CPD: variants seen among roughly 807,000 people sequenced by gnomAD.
CPD encodes metallocarboxypeptidase D.
A neutral mutation model predicts 138.3 loss-of-function variants in CPD; 69 were observed. The ratio of observed to expected loss-of-function variants is 0.50; its 90% CI spans 0.41 to 0.61. The LOEUF is 0.61. CPD is among the 20% of genes least tolerant of loss of function. CPD has a pLI of 0.00. For synonymous variants in CPD, 651 were observed against 642.1 expected, an observed-to-expected ratio of 1.01 and a Z score of -0.21; for missense variants, 1,432 against 1,733.3, an observed-to-expected ratio of 0.83 and a Z score of 3.09.
rs370956705 is a variant in CPD, at chr17:30,429,675, A to G, written c.2018-2097A>G. ...TTCATAGGAAAGACGTGAAACCCTC[A>G]AAAAAGCAGTGTTAAGGACTTAGTG... On this transcript the variant is annotated intron_variant, in intron 7 of 20. Transcript: ENST00000225719. Among the ~76,000 whole-genome samples, 7 of 152,342 alleles carry G rather than the reference A, an allele frequency of 4.6e-5. No homozygotes were observed. The South Asian group carries it at 6.2e-4, about 14-fold the overall frequency.
chr17:30,433,883 TCTC>T (rs1276256981), intron 8 of CPD, among the ~76,000 whole-genome samples: 3 of 152,222 alleles, frequency 2.0e-5, no homozygotes, highest in Non-Finnish European at 4.4e-5. Context: ...TTAACAATAT[TCTC>T]CTCCATTTCT....
chr17:30,436,544 G>A (rs1055576547), intron 8 of CPD, among the ~76,000 whole-genome samples: 1 of 152,178 alleles, frequency 6.6e-6, no homozygotes, highest in African/African-American at 2.4e-5. Context: ...AGCCATTAGA[G>A]AAATGCAAGT....
intron 2 of CPD, among the ~76,000 whole-genome samples, chr17:30,411,969 G>A (rs1193932101): frequency 6.6e-6 from 1 of 152,180 alleles, no homozygotes; most frequent in Non-Finnish European, 1.5e-5. Flanking sequence ...CAGCTTTTCA[G>A]CCCTGGTTTC....
chr17:30,456,406 G>A, intron 16 of CPD, 55 bp downstream of exon 16: 2 of 1,609,878 alleles, frequency 1.2e-6, no homozygotes, highest in Non-Finnish European at 8.5e-7. Context: ...CTTTTGTGGG[G>A]AAAGGAGTTT....
At chr17:30,390,834 T>C (rs1911334669) in intron 2 of CPD, among the ~76,000 whole-genome samples, 1 of 143,796 alleles carries the variant, frequency 7.0e-6, no homozygotes, top group Non-Finnish European at 1.5e-5. Flanking sequence ...GTAAGATGCC[T>C]TTTTTTTTTT....
rs201697680 is a variant in CPD at position 30,456,477 on chromosome 17, G to A, written c.3449G>A (p.Gly1150Glu). The A allele has an allele frequency of 5.0e-6, 8 of 1,614,194 alleles. No homozygotes were observed. The African/African-American group carries it at 9.3e-5, about 19-fold the overall frequency. The change falls in exon 17 of 21, where the codon GGA becomes GAA. Residue 1150 changes from glycine to glutamate, a missense_variant. By Grantham distance (98) the Gly-to-Glu change is moderately conservative (BLOSUM62 -2). Transcript: ENST00000225719. ...GCTTTTATAGATGAGAATATTCCAGGAGGAGTAATGCGTGGAGCAGAATGG... is the reference window on the plus strand; with the variant it reads ...GCTTTTATAGATGAGAATATTCCAGAAGGAGTAATGCGTGGAGCAGAATGG... ...CPNKSDENIPGGVMRGAEWHS... is the reference protein window; with the variant it reads ...CPNKSDENIPEGVMRGAEWHS...
chr17:30,400,220 G>A (rs1440180246), intron 2 of CPD, among the ~76,000 whole-genome samples: 1 of 151,958 alleles, frequency 6.6e-6, no homozygotes, highest in Non-Finnish European at 1.5e-5. Context: ...CCTTCTATTG[G>A]ATTGTGTTTT....
intron 13 of CPD, among the ~76,000 whole-genome samples, chr17:30,449,978 A>G (rs1220496276): frequency 6.6e-6 from 1 of 152,042 alleles, no homozygotes. Flanking sequence ...AGGAAAGAAT[A>G]CTAAAAATTT....
chr17:30,439,392 TTC>T (rs1307600076), intron 9 of CPD, among the ~76,000 whole-genome samples: 201 of 93,130 alleles, frequency 2.2e-3, no homozygotes, highest in African/African-American at 0.011. Flanking sequence ...CAACGTTACT[TTC>T]TTTTTTTTTT....
intron 1 of CPD, among the ~76,000 whole-genome samples, chr17:30,381,956 C>T (rs1417253901): frequency 1.3e-5 from 2 of 152,084 alleles, no homozygotes; most frequent in Non-Finnish European, 2.9e-5. Context: ...GAGACAAATA[C>T]TTAAGAAAAT....
intron 2 of CPD, among the ~76,000 whole-genome samples, chr17:30,388,863 G>A (rs1203243252): frequency 6.6e-6 from 1 of 152,176 alleles, no homozygotes; most frequent in African/African-American, 2.4e-5. Context: ...TGTCAGGAGT[G>A]TCAGGCTGGG....
chr17:30,456,722 A>G, intron 17 of CPD, 196 bp downstream of exon 17: 1 of 482,668 alleles, frequency 2.1e-6, no homozygotes, highest in Non-Finnish European at 3.8e-6. Context: ...GACGCCCGTA[A>G]TCCCAGCTAC....
intron 2 of CPD, among the ~76,000 whole-genome samples, chr17:30,415,564 A>T (rs1912082180): frequency 6.6e-6 from 1 of 152,336 alleles, no homozygotes; most frequent in East Asian, 1.9e-4. Flanking sequence ...ACAACATAAC[A>T]ATAAAAAACA....
chr17:30,445,935 C>G lies in CPD; in HGVS notation c.2788C>G (p.Leu930Val), dbSNP rs746807807. Reference protein sequence around the residue: ...LRSSSNLALALYRYHSYKDLS... With the variant: ...LRSSSNLALAVYRYHSYKDLS... The stretch of plus-strand genomic sequence containing the variant: ...CTCCTCCTCAAATCTGGCTCTGGCT[C>G]TTTATCGATACCATTCCTACAAAGA... Residue 930 changes from leucine to valine, a missense_variant, in exon 12 of 21, where the codon CTT becomes GTT. By Grantham distance (32) the Leu-to-Val change is conservative. Coordinates refer to ENST00000225719, the MANE Select transcript of CPD (RefSeq NM_001304.5). 1 of 1,614,060 alleles carries G rather than the reference C, an allele frequency of 6.2e-7. No individual in the cohort carries two copies. Among genetic ancestry groups the G allele is most frequent in the South Asian group, 1.1e-5 (1 of 91,092 alleles).
intron 2 of CPD, among the ~76,000 whole-genome samples, chr17:30,387,721 A>G (rs1911230758): frequency 6.6e-6 from 1 of 152,160 alleles, no homozygotes; most frequent in South Asian, 2.1e-4. Context: ...AAACCTTTGA[A>G]TTACTCTTTT....
At chr17:30,404,142 T>C (rs1284827172) in intron 2 of CPD, among the ~76,000 whole-genome samples, 2 of 152,168 alleles carry the variant, frequency 1.3e-5, no homozygotes, top group African/African-American at 2.4e-5. Context: ...ATTTTTATTG[T>C]GGTGGTAGTT....
intron 2 of CPD, among the ~76,000 whole-genome samples, chr17:30,394,594 A>G (rs1911449048): frequency 6.6e-6 from 1 of 152,166 alleles, no homozygotes; most frequent in Non-Finnish European, 1.5e-5. Flanking sequence ...TTGGCAGGAA[A>G]GAGTCCTAGA....
chr17:30,422,129 A>G (rs895841948), intron 4 of CPD, among the ~76,000 whole-genome samples: 17 of 152,204 alleles, frequency 1.1e-4, no homozygotes, highest in Non-Finnish European at 1.5e-5. Context: ...CGAATACCAG[A>G]GTAGAAGAAA....
At position 30,469,052 on chromosome 17, in the gene CPD, A is replaced by G. The variant is rs1449848544; in HGVS notation, c.*4238A>G. ...CTTTTTCCAGGTGAGGCCCAGTTAG[A>G]ATAATGTGTCCCGGCACTTTTAGGC... is the stretch of plus-strand genomic sequence containing the variant. On this transcript the variant is annotated 3_prime_UTR_variant, in exon 21 of 21. Transcript: ENST00000225719. 6.6e-6 allele frequency: 1 copy of G among 152,148 alleles called. No homozygotes were observed. Among genetic ancestry groups the G allele is most frequent in the Non-Finnish European group, 1.5e-5 (1 of 67,996 alleles). 9.4% of individuals were successfully genotyped at this position (152,148 alleles called of 1,614,324 possible). A position where few individuals can be genotyped will look rare whatever the true frequency, so the allele number is the denominator to read the frequency against.
Sources: allele counts gnomAD v4.1 joint callset (sites outside exome capture counted in the v4.1 genomes callset), GRCh38; gene constraint gnomAD v4.1.1; transcripts MANE v1.5; gene names NCBI Gene and HGNC (gene_info 2026-07-23, HGNC 2026-07-21).